Variants in IMPG1 observed in about 807,000 individuals in gnomAD.
IMPG1 encodes interphotoreceptor matrix proteoglycan of 150 kDa.
In IMPG1, 85 loss-of-function variants were observed where a neutral mutation model predicts 92.0. The observed-to-expected ratio is 0.92, with a 90% CI of 0.78 to 1.11. IMPG1 has a LOEUF of 1.11. IMPG1 is among the 50% of genes least tolerant of loss of function. The pLI is 0.00. For missense variants in IMPG1, 1,022 were observed against 956.0 expected (o/e 1.07, Z -0.91); for synonymous variants, 367 against 334.1 (o/e 1.10, Z -1.08).
intron 12 of IMPG1, among the ~76,000 whole-genome samples, chr6:75,991,850 A>G (rs568777506): frequency 6.6e-6 from 1 of 152,200 alleles, no homozygotes; most frequent in Non-Finnish European, 1.5e-5. Context: ...CTGTCTTTGC[A>G]TATATGGTAC....
Position 76,010,202 on chromosome 6 carries a change from T to C in IMPG1, c.866+964A>G, listed in dbSNP as rs1214692278. Among the ~76,000 whole-genome samples the C allele has an allele frequency of 4.6e-5, 7 of 152,344 alleles. No homozygotes were observed. The South Asian group carries it at 8.3e-4, about 18-fold the overall frequency. On this transcript the variant is annotated intron_variant, in intron 8 of 16. Transcript: ENST00000369950. ...TCTTTTTCTGGGCCTGTGGAGCCCT[T>C]GCTCTGTACATCTTCTTGCTTTCAG...
At chr6:75,993,531 A>G (rs1187878481) in intron 12 of IMPG1, among the ~76,000 whole-genome samples, 1 of 151,988 alleles carries the variant, frequency 6.6e-6, no homozygotes, top group Non-Finnish European at 1.5e-5. Context: ...AGAGAGAGAA[A>G]GGGAGAGAGA....
intron 4 of IMPG1, among the ~76,000 whole-genome samples, chr6:76,033,681 C>T (rs1368863698): frequency 1.3e-5 from 2 of 152,136 alleles, no homozygotes; most frequent in Admixed American, 6.5e-5. Context: ...GCCAAATTTG[C>T]GTCTCTCTTT....
At position 75,947,451 on chromosome 6, in the gene IMPG1, T is replaced by G. The variant is rs1037821641; in HGVS notation, c.1907A>C (p.Asn636Thr). The G allele has an allele frequency of 4.3e-6, 7 of 1,613,612 alleles. No homozygotes were observed. Among genetic ancestry groups the G allele is most frequent in the Non-Finnish European group, 5.1e-6 (6 of 1,179,736 alleles). ...LNFRNGSVIVNSKMKFAKSVP... is the reference protein window; with the variant it reads ...LNFRNGSVIVTSKMKFAKSVP... ...TGACTTAGCAAACTTCATTTTGCTA[T>G]TCACAATCACACTCCCGTTTCTGAA... The change falls in exon 14 of 17, where the codon AAT becomes ACT. Residue 636 changes from asparagine to threonine, a missense_variant. This residue lies in a region of IMPG1 where 332 missense variants were observed against 346.2 expected (regional missense o/e 0.96). Transcript: ENST00000369950.
At chr6:76,002,646 T>G (rs1783014709) in intron 12 of IMPG1, among the ~76,000 whole-genome samples, 1 of 152,202 alleles carries the variant, frequency 6.6e-6, no homozygotes, top group South Asian at 2.1e-4. Context: ...GGTGCTGTTT[T>G]GCTTTCAGCC....
chr6:75,966,400 T>A (rs967331192), intron 12 of IMPG1, among the ~76,000 whole-genome samples: 7 of 152,198 alleles, frequency 4.6e-5, no homozygotes, highest in Non-Finnish European at 8.8e-5. Context: ...ATGTCATGAA[T>A]GAATTAATGC....
chr6:76,025,839 T>A (rs77714999), intron 4 of IMPG1, among the ~76,000 whole-genome samples: 1 of 152,258 alleles, frequency 6.6e-6, no homozygotes, highest in South Asian at 2.1e-4. Flanking sequence ...GGAATGATGA[T>A]GTGGAAGAGA....
intron 7 of IMPG1, among the ~76,000 whole-genome samples, chr6:76,014,671 C>T (rs961061270): frequency 1.3e-5 from 2 of 152,156 alleles, no homozygotes; most frequent in African/African-American, 4.8e-5. Context: ...TTTTTCTTCT[C>T]CAGGATACCA....
chr6:75,963,359 T>A (rs1377284666), intron 12 of IMPG1, among the ~76,000 whole-genome samples: 1 of 152,232 alleles, frequency 6.6e-6, no homozygotes, highest in African/African-American at 2.4e-5. Flanking sequence ...AAGACATTGT[T>A]TTTGGTGAGT....
chr6:76,004,162 G>A (rs546952263), intron 10 of IMPG1, among the ~76,000 whole-genome samples: 1 of 152,302 alleles, frequency 6.6e-6, no homozygotes, highest in African/African-American at 2.4e-5. Context: ...GCATGTTTAT[G>A]TGATAAGAAT....
chr6:76,028,309 G>A (rs902675769), intron 4 of IMPG1, among the ~76,000 whole-genome samples: 20 of 152,076 alleles, frequency 1.3e-4, no homozygotes, highest in Admixed American at 3.9e-4. Context: ...ACAGGTGCTC[G>A]CAAATACATG....
chr6:76,002,977 T>G lies in IMPG1; in HGVS notation c.1232A>C (p.Glu411Ala). 2 of 1,613,544 alleles carry G rather than the reference T, an allele frequency of 1.2e-6. No homozygotes were observed. Among genetic ancestry groups the G allele is most frequent in the Non-Finnish European group, 1.7e-6 (2 of 1,179,572 alleles). ...VITEDATLSP[E>A]LPPVEPQLET... Reference sequence around the variant, plus strand: ...AAGCTGGGGTTCAACAGGAGGAAGTTCTGGACTCAAAGTAGCATCCTGAAG... The same window carrying G: ...AAGCTGGGGTTCAACAGGAGGAAGTGCTGGACTCAAAGTAGCATCCTGAAG... The change falls in exon 12 of 17, where the codon GAA becomes GCA. Residue 411 changes from glutamate (E) to alanine (A), a missense_variant. Coordinates refer to ENST00000369950, the MANE Select transcript of IMPG1 (RefSeq NM_001563.4).
intron 14 of IMPG1, among the ~76,000 whole-genome samples, chr6:75,941,835 A>G (rs939149179): frequency 6.6e-6 from 1 of 152,174 alleles, no homozygotes; most frequent in African/African-American, 2.4e-5. Context: ...CCCTTATTTC[A>G]AAATTAAATA....
At chr6:75,929,932 AC>A (rs947492758) in intron 15 of IMPG1, among the ~76,000 whole-genome samples, 2 of 152,072 alleles carry the variant, frequency 1.3e-5, no homozygotes, top group Non-Finnish European at 2.9e-5. Context: ...TTGTCTTGGC[AC>A]CCTTGTGGAA....
intron 12 of IMPG1, among the ~76,000 whole-genome samples, chr6:75,964,165 A>G (rs1315039854): frequency 3.9e-5 from 6 of 152,220 alleles, no homozygotes; most frequent in East Asian, 1.9e-4. Flanking sequence ...TCTGGGCATT[A>G]AATTCTCATC....
chr6:76,072,506 G>C lies in IMPG1; in HGVS notation c.-18C>G. ...AAATACATTCTGGCTTTTGTGCATT[G>C]GTAATTCTGATAACAATCACAGAAC... is the stretch of plus-strand genomic sequence containing the variant. On this transcript the variant is annotated 5_prime_UTR_variant, in exon 1 of 17. Coordinates refer to ENST00000369950, the MANE Select transcript of IMPG1 (RefSeq NM_001563.4). 4 of 1,506,402 alleles carry C rather than the reference G, an allele frequency of 2.7e-6. No individual in the cohort carries two copies. Among genetic ancestry groups the C allele is most frequent in the Non-Finnish European group, 3.6e-6 (4 of 1,098,636 alleles). 93.3% of individuals were successfully genotyped at this position (1,506,402 alleles called of 1,614,324 possible).
chr6:76,009,780 C>T (rs1415788196), intron 8 of IMPG1, among the ~76,000 whole-genome samples: 1 of 152,152 alleles, frequency 6.6e-6, no homozygotes, highest in Non-Finnish European at 1.5e-5. Flanking sequence ...TGGTTTACTT[C>T]TAAAACAGAT....
At chr6:75,927,242 T>G (rs1223025967) in intron 15 of IMPG1, among the ~76,000 whole-genome samples, 2 of 152,196 alleles carry the variant, frequency 1.3e-5, no homozygotes, top group Non-Finnish European at 2.9e-5. Context: ...ATTCCTGTTA[T>G]TCCCATTAGA....
At chr6:76,041,153 T>C (rs554192965) in intron 2 of IMPG1, among the ~76,000 whole-genome samples, 2 of 152,274 alleles carry the variant, frequency 1.3e-5, no homozygotes, top group African/African-American at 4.8e-5. Flanking sequence ...TTTTTTCTTT[T>C]AAAAAAGAAG....
Sources: gnomAD v4.1 joint callset for allele counts (sites outside exome capture counted in the v4.1 genomes callset) on GRCh38, gnomAD v4.1.1 for gene constraint, gnomAD v4.1.1 regional missense constraint, MANE v1.5 for transcripts, NCBI Gene and HGNC (gene_info 2026-07-23, HGNC 2026-07-21) for gene names.